Variants in ABCA8 observed in about 807,000 individuals in gnomAD.
ABCA8 encodes the protein ABC-type organic anion transporter ABCA8.
A neutral mutation model predicts 192.3 loss-of-function variants in ABCA8; 177 were observed. The observed-to-expected ratio is 0.92, with a 90% confidence interval of 0.81 to 1.04. The LOEUF (loss-of-function observed/expected upper bound fraction) is 1.04. Among genes scored for constraint, ABCA8 ranks in the 50% least tolerant of loss-of-function variants. The pLI, the probability that ABCA8 is intolerant of heterozygous loss-of-function variation, is 0.00. For missense variants in ABCA8, 1,915 were observed against 1,904.8 expected (o/e 1.01, Z -0.10); for synonymous variants, 642 against 690.2 (o/e 0.93, Z 1.09).
At chr17:68,915,571 T>G (rs1001644218) in intron 17 of ABCA8, among the ~76,000 whole-genome samples, 7 of 152,008 alleles carry the variant, frequency 4.6e-5, no homozygotes, top group African/African-American at 1.7e-4. Flanking sequence ...AAAACTACAA[T>G]GAGACATCAT....
chr17:68,944,184 T>C (rs1807406), intron 2 of ABCA8, among the ~76,000 whole-genome samples: 9,598 of 150,670 alleles, frequency 0.064, 1,028 homozygotes, highest in African/African-American at 0.22. Flanking sequence ...GGGAGAGCAT[T>C]AGGACAAATA....
At position 68,918,050 on chromosome 17, in the gene ABCA8, C is replaced by T; in HGVS notation, c.2044G>A (p.Ala682Thr). The change falls in exon 16 of 40, where the codon GCG (alanine) becomes ACG (threonine). Residue 682 changes from alanine (A) to threonine (T), a missense_variant. Transcript: ENST00000586539. ...TQFMDEADIL[A>T]DRKVFLSQGK... ...CTTAACAGAAACCAGTGATTACCCG[C>T]CAGGATGTCGGCCTCATCCATGAAC... is the stretch of plus-strand genomic sequence containing the variant. 1.2e-6 allele frequency: 2 copies of T among 1,613,966 alleles called. No homozygotes were observed. Among genetic ancestry groups the T allele is most frequent in the South Asian group, 1.1e-5 (1 of 91,000 alleles).
At chr17:68,944,315 GT>G (rs1321099413) in intron 2 of ABCA8, among the ~76,000 whole-genome samples, 14,257 of 38,994 alleles carry the variant, frequency 0.37, 2,872 homozygotes, top group African/African-American at 0.55. Context: ...AGAACTTAAA[GT>G]TATATATATA....
At chr17:68,941,814 A>G (rs572820517) in intron 3 of ABCA8, 125 bp downstream of exon 3, 1 of 610,060 alleles carries the variant, frequency 1.6e-6, no homozygotes, top group Admixed American at 3.1e-5. Flanking sequence ...TCTGTTGTAT[A>G]AACGTTGCTG....
rs3744490 is a variant in ABCA8 at position 68,867,774 on chromosome 17, A to G, written c.*311T>C. 5.3e-3 allele frequency: 998 copies of G among 188,602 alleles called. 16 individuals carry two copies. The highest frequency in any genetic ancestry group is 0.042 in the East Asian group (330 of 7,870). 11.7% of individuals were successfully genotyped at this position (188,602 alleles called of 1,614,324 possible). On this transcript the variant is annotated 3_prime_UTR_variant, in exon 40 of 40. Transcript: ENST00000586539. ...GATTTTTATTAAAAAAATTTAAACAAAATTTGTTTATCTTATCTAGAAACT... is the reference window on the plus strand; with the variant it reads ...GATTTTTATTAAAAAAATTTAAACAGAATTTGTTTATCTTATCTAGAAACT...
intron 18 of ABCA8, among the ~76,000 whole-genome samples, chr17:68,906,686 AG>A (rs1268735372): frequency 6.6e-6 from 1 of 152,182 alleles, no homozygotes; most frequent in African/African-American, 2.4e-5. Flanking sequence ...TAACAATGGA[AG>A]AAAAAATTCA....
chr17:68,934,349 G>A lies in ABCA8; in HGVS notation c.467-1078C>T, dbSNP rs930852980. Reference sequence around the variant, plus strand: ...TAAAAATCTGTATATATGTCTTCTTGTAAATATATCTGTATTGGTCAGGAT... The same window carrying A: ...TAAAAATCTGTATATATGTCTTCTTATAAATATATCTGTATTGGTCAGGAT... On this transcript the variant is annotated intron_variant, in intron 5 of 39. Transcript: ENST00000586539. 2.0e-5 allele frequency among the ~76,000 whole-genome samples: 3 copies of A among 152,026 alleles called. No individual in the cohort carries two copies. The East Asian group carries it at 5.8e-4, about 29-fold the overall frequency.
intron 31 of ABCA8, among the ~76,000 whole-genome samples, chr17:68,881,484 C>A (rs149679647): frequency 6.6e-6 from 1 of 152,342 alleles, no homozygotes; most frequent in African/African-American, 2.4e-5. Flanking sequence ...GTGATCCTAA[C>A]CTTGGTGCAA....
chr17:68,903,628 G>A (rs188313916), intron 19 of ABCA8, 129 bp from the exon 20 acceptor site: 41 of 734,756 alleles, frequency 5.6e-5, no homozygotes, highest in Non-Finnish European at 8.2e-5. Flanking sequence ...GCTGGTTACT[G>A]CCTTAAAATA....
At chr17:68,904,470 A>G (rs541188154) in intron 19 of ABCA8, among the ~76,000 whole-genome samples, 2 of 152,260 alleles carry the variant, frequency 1.3e-5, no homozygotes, top group African/African-American at 2.4e-5. Flanking sequence ...ACTAACATGT[A>G]TAAAGGAAGG....
intron 37 of ABCA8, among the ~76,000 whole-genome samples, chr17:68,874,633 C>T (rs1598179247): frequency 2.6e-5 from 4 of 152,240 alleles, no homozygotes; most frequent in African/African-American, 9.6e-5. Flanking sequence ...AATATATTTT[C>T]CCACATTGTT....
chr17:68,921,938 GA>G (rs4148020), intron 12 of ABCA8, among the ~76,000 whole-genome samples: 3 of 149,586 alleles, frequency 2.0e-5, no homozygotes, highest in South Asian at 2.1e-4. Flanking sequence ...TGAGTTTGTA[GA>G]AAAAAAAACC....
intron 23 of ABCA8, among the ~76,000 whole-genome samples, chr17:68,891,905 A>C (rs2066631117): frequency 6.6e-6 from 1 of 152,236 alleles, no homozygotes; most frequent in Non-Finnish European, 1.5e-5. Flanking sequence ...ATTATAATTC[A>C]CAGTTGATAC....
At position 68,902,708 on chromosome 17, in the gene ABCA8, T is replaced by C. The variant is rs201763005; in HGVS notation, c.2764+5A>G. ...TATTTGGAAATCAAGTATCCACCATTTTACCTGTTTTATTGATGATCAGTA... is the reference window on the plus strand; with the variant it reads ...TATTTGGAAATCAAGTATCCACCATCTTACCTGTTTTATTGATGATCAGTA... On this transcript the variant is annotated splice_donor_5th_base_variant and intron_variant, in intron 21 of 39. Coordinates refer to ENST00000586539, the MANE Select transcript of ABCA8 (RefSeq NM_001288985.2). 935 of 1,609,808 alleles carry C rather than the reference T, an allele frequency of 5.8e-4. 3 individuals carry two copies. The highest frequency in any genetic ancestry group is 7.4e-4 in the Non-Finnish European group (867 of 1,176,590).
intron 19 of ABCA8, among the ~76,000 whole-genome samples, chr17:68,904,770 A>G (rs1003762760): frequency 2.6e-5 from 4 of 152,176 alleles, no homozygotes; most frequent in African/African-American, 7.2e-5. Context: ...AGAGAGAAAC[A>G]CAAGAAGCTG....
intron 17 of ABCA8, among the ~76,000 whole-genome samples, chr17:68,908,718 A>G (rs1397075027): frequency 6.6e-6 from 1 of 152,200 alleles, no homozygotes; most frequent in Non-Finnish European, 1.5e-5. Context: ...GACAAACACA[A>G]TATTCTATTA....
In ABCA8 at chr17:68,875,618, A is replaced by C. The variant is rs1203836666; in HGVS notation, c.4486T>G (p.Leu1496Val). 1 of 1,613,622 alleles carries C rather than the reference A, an allele frequency of 6.2e-7. No individual in the cohort carries two copies. The highest frequency in any genetic ancestry group is 1.7e-5 in the Admixed American group (1 of 59,958). ...GGGTCCAGGACAGGCACTCACCTCA[A>C]CCTCCCAGATACCATGATGGCCACT... Reference protein sequence around the residue: ...DRVAIMVSGRLRCIGSIQHLK... With the variant: ...DRVAIMVSGRVRCIGSIQHLK... The change falls in exon 36 of 40, where the codon TTG (leucine) becomes GTG (valine). Residue 1496 changes from leucine (L) to valine (V), a missense_variant. Transcript: ENST00000586539.
chr17:68,917,617 C>G (rs1231266727), intron 16 of ABCA8, among the ~76,000 whole-genome samples, 166 bp from the exon 17 acceptor site: 1 of 152,102 alleles, frequency 6.6e-6, no homozygotes, highest in Admixed American at 6.5e-5. Context: ...ATTTTAATCT[C>G]GTTTACGTGA....
intron 8 of ABCA8, 22 bp from the exon 9 acceptor site, chr17:68,929,256 T>C: frequency 6.5e-7 from 1 of 1,547,976 alleles, no homozygotes; most frequent in Non-Finnish European, 8.7e-7. Flanking sequence ...GAAGATCTAG[T>C]TGGTTTATGT....
Sources: gnomAD v4.1 joint callset for allele counts (sites outside exome capture counted in the v4.1 genomes callset) on GRCh38, gnomAD v4.1.1 for gene constraint, MANE v1.5 for transcripts, NCBI Gene and HGNC (gene_info 2026-07-23, HGNC 2026-07-21) for gene names.